The following NLGN1 variants were observed in gnomAD, a reference collection of about 807,000 sequenced individuals.
NLGN1 encodes the protein neuroligin 1.
In NLGN1, 12 loss-of-function variants were observed where a neutral mutation model predicts 65.5. That is an observed-to-expected ratio of 0.18 (90% confidence interval 0.12 to 0.30). The LOEUF (loss-of-function observed/expected upper bound fraction) is 0.30, where lower values mean the gene tolerates loss of function less well. NLGN1 is among the 10% of genes least tolerant of loss of function. NLGN1 has a pLI of 1.00. For synonymous variants in NLGN1, 350 were observed against 359.5 expected, an observed-to-expected ratio of 0.97 and a Z score of 0.30; for missense variants, 750 against 1,007.1, an observed-to-expected ratio of 0.74 and a Z score of 3.46.
chr3:173,729,152 T>A (rs575275295), intron 3 of NLGN1, among the ~76,000 whole-genome samples: 1 of 152,180 alleles, frequency 6.6e-6, no homozygotes, highest in Admixed American at 6.6e-5. Flanking sequence ...GAAACCAGGA[T>A]TCTTAAAATA....
intron 4 of NLGN1, among the ~76,000 whole-genome samples, chr3:174,042,340 G>A (rs569704486): frequency 3.3e-5 from 5 of 152,158 alleles, no homozygotes; most frequent in African/African-American, 9.6e-5. Context: ...AAAATATTTA[G>A]CGTTTCATAT....
intron 4 of NLGN1, among the ~76,000 whole-genome samples, chr3:174,144,881 T>C (rs12330721): frequency 0.21 from 31,601 of 152,112 alleles, 5,965 homozygotes; most frequent in African/African-American, 0.51. Flanking sequence ...TAGTTTCTTT[T>C]GCTGTGCAGA....
At chr3:174,251,064 C>T (rs1234446438) in intron 4 of NLGN1, among the ~76,000 whole-genome samples, 4 of 151,780 alleles carry the variant, frequency 2.6e-5, no homozygotes, top group Non-Finnish European at 5.9e-5. Flanking sequence ...ATCCATCTTC[C>T]ATCACAGCAA....
intron 4 of NLGN1, among the ~76,000 whole-genome samples, chr3:173,818,855 TG>T (rs1469691029): frequency 6.6e-6 from 1 of 151,536 alleles, no homozygotes; most frequent in Non-Finnish European, 1.5e-5. Context: ...AATGAGGGCT[TG>T]GATTTTGCTT....
intron 4 of NLGN1, among the ~76,000 whole-genome samples, chr3:174,270,600 G>C (rs1023314104): frequency 6.6e-6 from 1 of 151,784 alleles, no homozygotes; most frequent in East Asian, 1.9e-4. Flanking sequence ...TTTTTCATAG[G>C]TGAGTAGTGA....
intron 2 of NLGN1, among the ~76,000 whole-genome samples, chr3:173,551,403 C>T (rs1740836065): frequency 1.3e-5 from 2 of 152,150 alleles, no homozygotes; most frequent in Non-Finnish European, 2.9e-5. Flanking sequence ...CTTGTATACT[C>T]TTTACCACTT....
rs56980219 is a variant in NLGN1 at position 174,092,519 on chromosome 3, TA to T, written c.647-182784del. Reference sequence around the variant, plus strand: ...CAACAATTTGCCATTTGGCAATTATTAAAAAAAAAAAATGAAAGTAATACCA... The same window carrying T: ...CAACAATTTGCCATTTGGCAATTATTAAAAAAAAAAATGAAAGTAATACCA... On this transcript the variant is annotated intron_variant, in intron 4 of 6. Coordinates refer to ENST00000457714, the Ensembl canonical transcript of NLGN1. 1.4e-3 allele frequency among the ~76,000 whole-genome samples: 210 copies of T among 147,080 alleles called. 1 individual carries two copies. Among genetic ancestry groups the T allele is most frequent in the Middle Eastern group, 7.2e-3 (2 of 278 alleles).
intron 4 of NLGN1, among the ~76,000 whole-genome samples, chr3:173,875,946 G>C (rs1363416023): frequency 6.6e-6 from 1 of 152,132 alleles, no homozygotes; most frequent in South Asian, 2.1e-4. Context: ...GTGCTGGTCA[G>C]GCTGGGGTAG....
chr3:173,471,100 G>A (rs770792109), intron 2 of NLGN1, among the ~76,000 whole-genome samples: 1 of 151,998 alleles, frequency 6.6e-6, no homozygotes, highest in South Asian at 2.1e-4. Flanking sequence ...AACAATAAAC[G>A]CCTGCATCCT....
chr3:173,749,080 G>A (rs771338342), intron 3 of NLGN1, among the ~76,000 whole-genome samples: 13 of 151,912 alleles, frequency 8.6e-5, no homozygotes, highest in East Asian at 5.8e-4. Context: ...ATCATTTATC[G>A]GTGAATACAG....
At chr3:173,763,974 C>A (rs1244884111) in intron 3 of NLGN1, among the ~76,000 whole-genome samples, 2 of 152,144 alleles carry the variant, frequency 1.3e-5, no homozygotes, top group Non-Finnish European at 2.9e-5. Context: ...GTACTGTGCT[C>A]AGTAAGCTAA....
At chr3:174,277,257 A>ACTT (rs1485269397) in intron 5 of NLGN1, among the ~76,000 whole-genome samples, 2 of 151,972 alleles carry the variant, frequency 1.3e-5, no homozygotes, top group African/African-American at 4.8e-5. Context: ...GGAGCTATAA[A>ACTT]CTTTAAAGGC....
chr3:173,548,656 C>T (rs1740322273), intron 2 of NLGN1, among the ~76,000 whole-genome samples: 1 of 151,984 alleles, frequency 6.6e-6, no homozygotes, highest in African/African-American at 2.4e-5. Context: ...ATTGAAACAG[C>T]TTGAAACTTT....
At chr3:173,911,337 G>C (rs1739550689) in intron 4 of NLGN1, among the ~76,000 whole-genome samples, 1 of 152,098 alleles carries the variant, frequency 6.6e-6, no homozygotes, top group South Asian at 2.1e-4. Flanking sequence ...CGTTAACCTT[G>C]TATAGAACGG....
chr3:173,808,655 G>T (rs1717199786), intron 4 of NLGN1, among the ~76,000 whole-genome samples: 1 of 152,064 alleles, frequency 6.6e-6, no homozygotes, highest in South Asian at 2.1e-4. Flanking sequence ...TTAATTAACA[G>T]AATTTGCTAA....
chr3:173,435,747 A>G (rs938080823), intron 2 of NLGN1, among the ~76,000 whole-genome samples: 1 of 152,098 alleles, frequency 6.6e-6, no homozygotes, highest in African/African-American at 2.4e-5. Flanking sequence ...AGGCGGGAGA[A>G]TTGCTTGAAC....
chr3:173,456,323 A>G (rs1302790069), intron 2 of NLGN1, among the ~76,000 whole-genome samples: 1 of 152,142 alleles, frequency 6.6e-6, no homozygotes, highest in African/African-American at 2.4e-5. Context: ...CTAGTGTGGC[A>G]AGGAAAGATA....
chr3:173,830,897 A>G (rs1274734768), intron 4 of NLGN1, among the ~76,000 whole-genome samples: 1 of 152,214 alleles, frequency 6.6e-6, no homozygotes, highest in Non-Finnish European at 1.5e-5. Flanking sequence ...TCTTAGTTCC[A>G]CATGAGATTG....
chr3:173,702,996 C>A (rs1767481770), intron 3 of NLGN1, among the ~76,000 whole-genome samples: 3 of 152,014 alleles, frequency 2.0e-5, no homozygotes, highest in African/African-American at 4.8e-5. Context: ...CCCTAGCCAT[C>A]CCATGCTAAT....
Sources: gnomAD v4.1 joint callset for allele counts (sites outside exome capture counted in the v4.1 genomes callset) on GRCh38, gnomAD v4.1.1 for gene constraint, MANE v1.5 for transcripts, NCBI Gene and HGNC (gene_info 2026-07-23, HGNC 2026-07-21) for gene names.